Variants in CPZ observed in about 807,000 individuals in gnomAD.
CPZ encodes carboxypeptidase Z.
CPZ carries 103 observed loss-of-function variants against 61.8 expected under a neutral mutation model. The observed-to-expected ratio is 1.67, with a 90% CI of 1.42 to 1.96. CPZ has a LOEUF of 1.96. Among genes scored for constraint, CPZ ranks in the 30% most tolerant of loss-of-function variants. The pLI, the probability that CPZ is intolerant of heterozygous loss-of-function variation, is 0.00. For missense variants in CPZ, 1,461 were observed against 914.9 expected, an observed-to-expected ratio of 1.60 and a Z score of -7.70; for synonymous variants, 551 against 373.7, an observed-to-expected ratio of 1.47 and a Z score of -5.47.
At chr4:8,605,330 C>CCATCCATCCATCCATG (rs1714864578) in intron 4 of CPZ, among the ~76,000 whole-genome samples, 1 of 149,204 alleles carries the variant, frequency 6.7e-6, no homozygotes, top group Non-Finnish European at 1.5e-5. Context: ...ATTCATCCAT[C>CCATCCATCCATCCATG]CATCCATCCA....
chr4:8,611,236 C>T lies in CPZ; in HGVS notation c.1228-791C>T, dbSNP rs75806178. 7.4e-3 allele frequency: 3,371 copies of T among 456,254 alleles called. 32 individuals are homozygous for T. The highest frequency in any genetic ancestry group is 0.048 in the Middle Eastern group (148 of 3,076). 28.3% of individuals were successfully genotyped at this position (456,254 alleles called of 1,614,324 possible). A position where few individuals can be genotyped will look rare whatever the true frequency, so the allele number is the denominator to read the frequency against. The stretch of plus-strand genomic sequence containing the variant: ...ATGAGCTCATGCAGGGTGAGCCCTT[C>T]GCCTGCCTGACCCACCAGGAGCCTC... On this transcript the variant is annotated intron_variant, in intron 7 of 10. Coordinates refer to ENST00000360986, the MANE Select transcript of CPZ (RefSeq NM_001014447.3).
chr4:8,601,562 C>T (rs1350185858), intron 3 of CPZ, 65 bp downstream of exon 3: 1 of 1,400,512 alleles, frequency 7.1e-7, no homozygotes, highest in Non-Finnish European at 9.3e-7. Flanking sequence ...GACCAAGAGC[C>T]ACACTGGAAG....
chr4:8,614,645 AC>A, intron 9 of CPZ, 147 bp downstream of exon 9: 1 of 810,008 alleles, frequency 1.2e-6, no homozygotes, highest in Non-Finnish European at 1.9e-6. Flanking sequence ...TTAACTGTCC[AC>A]CATGCACAAC....
intron 7 of CPZ, among the ~76,000 whole-genome samples, chr4:8,610,763 G>A (rs1423596954): frequency 2.6e-5 from 4 of 152,178 alleles, no homozygotes; most frequent in Non-Finnish European, 4.4e-5. Flanking sequence ...CAGGATAGTG[G>A]TCCATGGTCT....
intron 7 of CPZ, among the ~76,000 whole-genome samples, chr4:8,610,226 G>C (rs1325592137): frequency 6.6e-6 from 1 of 152,188 alleles, no homozygotes; most frequent in African/African-American, 2.4e-5. Flanking sequence ...TCATTTATCT[G>C]TGTCTCTTCC....
rs1224512869 is a variant in CPZ at position 8,592,985 on chromosome 4, G to C, written c.88+64G>C. The C allele has an allele frequency of 7.6e-6, 10 of 1,314,882 alleles. No individual in the cohort carries two copies. The Admixed American group carries it at 1.1e-4, about 15-fold the overall frequency. The allele number at this position is 1,314,882 out of a possible 1,614,324, so 81.5% of individuals were successfully genotyped here. A position where few individuals can be genotyped will look rare whatever the true frequency, so the allele number is the denominator to read the frequency against. ...CTGCAACCTCTGGGGAGTGTGATCC[G>C]TCGCTTCCCAGGGGCCCGGGAGCTT... On this transcript the variant is annotated intron_variant, in intron 1 of 10. Transcript: ENST00000360986.
intron 7 of CPZ, 151 bp downstream of exon 7, chr4:8,607,576 T>G: frequency 5.8e-6 from 5 of 865,776 alleles, no homozygotes; most frequent in Non-Finnish European, 8.5e-6. Context: ...CAGGCCCAGC[T>G]CTGCAGGGAA....
At chr4:8,601,057 A>T (rs557573942) in intron 2 of CPZ, 66 bp from the exon 3 acceptor site, 5 of 1,503,462 alleles carry the variant, frequency 3.3e-6, no homozygotes, top group Non-Finnish European at 4.4e-6. Context: ...CCCCTACGTA[A>T]ATGTCTGATG....
At position 8,619,618 on chromosome 4, in the gene CPZ, C is replaced by G; in HGVS notation, c.*1C>G. On this transcript the variant is annotated 3_prime_UTR_variant, in exon 11 of 11. Coordinates refer to ENST00000360986, the MANE Select transcript of CPZ (RefSeq NM_001014447.3). ...GCCACGCTGGCTGCTCAAGTACTAGCCCCGGCCCCAGCACCCGCCAGGATG... is the reference window on the plus strand; with the variant it reads ...GCCACGCTGGCTGCTCAAGTACTAGGCCCGGCCCCAGCACCCGCCAGGATG... 1 of 1,487,882 alleles carries G rather than the reference C, an allele frequency of 6.7e-7. No individual in the cohort carries two copies. The highest frequency in any genetic ancestry group is 8.9e-7 in the Non-Finnish European group (1 of 1,120,630). The allele number at this position is 1,487,882 out of a possible 1,614,324, so 92.2% of individuals were successfully genotyped here.
At chr4:8,612,639 C>T (rs114723879) in intron 8 of CPZ, among the ~76,000 whole-genome samples, 3,674 of 152,276 alleles carry the variant, frequency 0.024, 55 homozygotes, top group Middle Eastern at 0.044. Context: ...CGACTTGAAG[C>T]GTGTACATCT....
At chr4:8,609,908 C>A (rs1019525387) in intron 7 of CPZ, among the ~76,000 whole-genome samples, 3 of 152,150 alleles carry the variant, frequency 2.0e-5, no homozygotes, top group African/African-American at 7.2e-5. Context: ...GCCAAGGTAC[C>A]CTTTCACCAA....
At chr4:8,616,807 A>G (rs189818920) in intron 9 of CPZ, among the ~76,000 whole-genome samples, 6 of 152,276 alleles carry the variant, frequency 3.9e-5, no homozygotes, top group Non-Finnish European at 8.8e-5. Context: ...AGTCCATGAG[A>G]CATTGTTTCA....
At chr4:8,598,109 C>T (rs1033300974) in intron 1 of CPZ, among the ~76,000 whole-genome samples, 8 of 152,234 alleles carry the variant, frequency 5.3e-5, no homozygotes, top group African/African-American at 1.9e-4. Context: ...CTGTGTGGAC[C>T]TCTTTTGTCA....
intron 7 of CPZ, among the ~76,000 whole-genome samples, chr4:8,608,772 T>C (rs990885018): frequency 6.8e-6 from 1 of 146,682 alleles, no homozygotes; most frequent in Non-Finnish European, 1.5e-5. Flanking sequence ...GAGGTAGAGA[T>C]TTCCAGCTGC....
chr4:8,609,103 C>T (rs539117905), intron 7 of CPZ, among the ~76,000 whole-genome samples: 143 of 6,626 alleles, frequency 0.022, no homozygotes, highest in South Asian at 0.087. Flanking sequence ...CACTCACTCA[C>T]TCCCTTCCTC....
rs772694878 is a variant in CPZ, at chr4:8,601,319, C to G, written c.318C>G (p.Ala106=). The change falls in exon 3 of 11, where the codon GCC becomes GCG. Residue 106 remains alanine, a synonymous_variant. Transcript: ENST00000360986. ...DLRLLGCAVL[A]PRCEGGWVRR... is the part of the protein sequence containing the mutation. ...GGCTGCTGGGCTGTGCTGTGCTGGCCCCCCGGTGTGAGGGCGGCTGGGTGC... is the reference window on the plus strand; with the variant it reads ...GGCTGCTGGGCTGTGCTGTGCTGGCGCCCCGGTGTGAGGGCGGCTGGGTGC... 6.2e-7 allele frequency: 1 copy of G among 1,609,608 alleles called. No individual in the cohort carries two copies. Among genetic ancestry groups the G allele is most frequent in the Non-Finnish European group, 8.5e-7 (1 of 1,177,206 alleles).
chr4:8,619,359 C>T lies in CPZ; in HGVS notation c.1701C>T (p.Ile567=). The T allele has an allele frequency of 3.1e-6, 5 of 1,614,230 alleles. No homozygotes were observed. Among genetic ancestry groups the T allele is most frequent in the Non-Finnish European group, 4.2e-6 (5 of 1,180,034 alleles). ...CCAAAGTCATCAAGAAAGTCATCAT[C>T]CCCGCCCGGATGAAGAGGGCTGGCC... ...GYAKVIKKVI[I]PARMKRAGRV... The change falls in exon 11 of 11, where the codon ATC becomes ATT. Residue 567 remains isoleucine, a synonymous_variant. Transcript: ENST00000360986.
At chr4:8,604,726 G>T (rs112564984) in intron 4 of CPZ, among the ~76,000 whole-genome samples, 1 of 152,280 alleles carries the variant, frequency 6.6e-6, no homozygotes, top group East Asian at 1.9e-4. Context: ...CAAGTGATCC[G>T]CCCAGCTCGG....
rs772020539 is a variant in CPZ, at chr4:8,606,911, G to A, written c.1068+13G>A. ...CTGGTGGGGTAAGGTAGGAGCCGCC[G>A]CTGCCCATGCTGGTCTCCACCAAGG... On this transcript the variant is annotated intron_variant, in intron 6 of 10. Transcript: ENST00000360986. 4 of 1,581,626 alleles carry A rather than the reference G, an allele frequency of 2.5e-6. No individual in the cohort carries two copies. The highest frequency in any genetic ancestry group is 1.1e-5 in the South Asian group (1 of 87,636).
Sources: gnomAD v4.1 joint callset for allele counts (sites outside exome capture counted in the v4.1 genomes callset) on GRCh38, gnomAD v4.1.1 for gene constraint, MANE v1.5 for transcripts, NCBI Gene and HGNC (gene_info 2026-07-23, HGNC 2026-07-21) for gene names.